THSD4: variants seen among roughly 807,000 people sequenced by gnomAD.
THSD4 encodes the protein thrombospondin type 1 domain containing 4.
THSD4 carries 69 observed loss-of-function variants against 119.0 expected under a neutral mutation model. That is an observed-to-expected ratio of 0.58 (90% CI 0.48 to 0.71). The LOEUF (loss-of-function observed/expected upper bound fraction) is 0.71. THSD4 is among the 30% of genes least tolerant of loss of function. The probability of loss-of-function intolerance (pLI) is 0.00; values close to 1 mark genes in which losing one functional copy is unlikely to be tolerated. For synonymous variants in THSD4, 524 were observed against 540.4 expected (o/e 0.97, Z 0.42); for missense variants, 1,393 against 1,391.1 (o/e 1.00, Z -0.02).
At chr15:71,247,055 A>G (rs1390995972) in intron 5 of THSD4, among the ~76,000 whole-genome samples, 1 of 151,588 alleles carries the variant, frequency 6.6e-6, no homozygotes, top group Non-Finnish European at 1.5e-5. Context: ...ACAACACCAT[A>G]CCTGGCTAAT....
chr15:71,138,982 C>T (rs541930397), intron 1 of THSD4, among the ~76,000 whole-genome samples: 1 of 150,820 alleles, frequency 6.6e-6, no homozygotes, highest in Non-Finnish European at 1.5e-5. Context: ...CCTCCCCCCC[C>T]CATTTTACAG....
intron 6 of THSD4, among the ~76,000 whole-genome samples, chr15:71,369,263 T>C (rs945746095): frequency 6.6e-6 from 1 of 152,188 alleles, no homozygotes; most frequent in African/African-American, 2.4e-5. Flanking sequence ...CCTAATTCAA[T>C]ACCCTTTATT....
chr15:71,488,189 T>G (rs1194027320), intron 7 of THSD4, among the ~76,000 whole-genome samples: 1 of 152,196 alleles, frequency 6.6e-6, no homozygotes, highest in African/African-American at 2.4e-5. Context: ...ATTTGAATAT[T>G]TCTAACAAGA....
intron 8 of THSD4, among the ~76,000 whole-genome samples, chr15:71,722,956 A>T (rs1223677196): frequency 1.3e-5 from 2 of 152,194 alleles, no homozygotes; most frequent in South Asian, 4.1e-4. Flanking sequence ...AATTCTTTCC[A>T]TACCCACACA....
chr15:71,246,886 CTTTT>C (rs67700872), intron 5 of THSD4, among the ~76,000 whole-genome samples: 3 of 114,500 alleles, frequency 2.6e-5, no homozygotes, highest in Non-Finnish European at 1.8e-5. Flanking sequence ...GGTCCAAAGT[CTTTT>C]TTTTTTTTTT....
intron 8 of THSD4, among the ~76,000 whole-genome samples, chr15:71,687,011 C>T (rs1157963601): frequency 1.3e-5 from 2 of 152,270 alleles, no homozygotes; most frequent in Admixed American, 6.5e-5. Context: ...TCTACCAGCA[C>T]GCAGATGAAC....
At chr15:71,611,427 A>C (rs1501415) in intron 7 of THSD4, among the ~76,000 whole-genome samples, 35,127 of 152,074 alleles carry the variant, frequency 0.23, 4,268 homozygotes, top group African/African-American at 0.25. Flanking sequence ...GCCAGCCCCT[A>C]CCCCGGCAAA....
intron 6 of THSD4, among the ~76,000 whole-genome samples, chr15:71,401,918 A>G (rs1464654831): frequency 6.6e-6 from 1 of 152,232 alleles, no homozygotes. Flanking sequence ...AATACTATGC[A>G]GCCATAAAAA....
intron 3 of THSD4, among the ~76,000 whole-genome samples, chr15:71,199,326 C>G (rs971840237): frequency 6.6e-6 from 1 of 152,194 alleles, no homozygotes; most frequent in African/African-American, 2.4e-5. Context: ...CTTCTCTGCA[C>G]AAGTCAGAAC....
At chr15:71,295,424 G>A (rs2044849530) in intron 6 of THSD4, among the ~76,000 whole-genome samples, 1 of 152,252 alleles carries the variant, frequency 6.6e-6, no homozygotes, top group African/African-American at 2.4e-5. Context: ...AGTTAAGGGG[G>A]AAAAGGGTTT....
chr15:71,638,932 A>C (rs1356118621), intron 7 of THSD4, among the ~76,000 whole-genome samples: 1 of 152,140 alleles, frequency 6.6e-6, no homozygotes, highest in Non-Finnish European at 1.5e-5. Flanking sequence ...GGTTGTTGGA[A>C]GCTCCACCAT....
At chr15:71,164,673 G>A in intron 3 of THSD4, 1 of 1,519,830 alleles carries the variant, frequency 6.6e-7, no homozygotes, top group South Asian at 1.4e-5. Flanking sequence ...ATCTTACACA[G>A]CCTTACATTT....
At chr15:71,528,417 G>A (rs2048558839) in intron 7 of THSD4, among the ~76,000 whole-genome samples, 1 of 152,166 alleles carries the variant, frequency 6.6e-6, no homozygotes, top group African/African-American at 2.4e-5. Flanking sequence ...TCCGTGGGAA[G>A]CAGTATGGGG....
intron 2 of THSD4, among the ~76,000 whole-genome samples, chr15:71,146,727 C>T (rs904829318): frequency 9.2e-5 from 14 of 152,006 alleles, no homozygotes; most frequent in Non-Finnish European, 5.9e-5. Flanking sequence ...TGTGGGAAGC[C>T]CGGGAGGAGC....
chr15:71,540,597 T>A (rs901885450), intron 7 of THSD4, among the ~76,000 whole-genome samples: 1 of 118,012 alleles, frequency 8.5e-6, no homozygotes, highest in African/African-American at 3.4e-5. Flanking sequence ...CTCAGCTAAT[T>A]TTTGTATTTT....
intron 6 of THSD4, among the ~76,000 whole-genome samples, chr15:71,271,327 G>A (rs771602521): frequency 5.9e-5 from 9 of 152,226 alleles, no homozygotes; most frequent in Admixed American, 2.0e-4. Flanking sequence ...GTAAAATCCT[G>A]GATGAATCTC....
At chr15:71,411,518 T>C (rs1266384332) in intron 6 of THSD4, among the ~76,000 whole-genome samples, 169 bp from the exon 7 acceptor site, 2 of 152,198 alleles carry the variant, frequency 1.3e-5, no homozygotes, top group African/African-American at 2.4e-5. Flanking sequence ...CACAACCTTA[T>C]GAATATACGA....
intron 6 of THSD4, among the ~76,000 whole-genome samples, chr15:71,386,919 G>A (rs1293270748): frequency 6.6e-6 from 1 of 152,188 alleles, no homozygotes; most frequent in Non-Finnish European, 1.5e-5. Flanking sequence ...TTTGGAAACA[G>A]AACAGAAAAG....
intron 7 of THSD4, among the ~76,000 whole-genome samples, chr15:71,467,060 A>G (rs1016859311): frequency 1.3e-5 from 2 of 152,156 alleles, no homozygotes; most frequent in African/African-American, 4.8e-5. Context: ...GATCCAAACC[A>G]TTTCCCGTGG....
Sources: gnomAD v4.1 joint callset for allele counts (sites outside exome capture counted in the v4.1 genomes callset) on GRCh38, gnomAD v4.1.1 for gene constraint, MANE v1.5 for transcripts, NCBI Gene and HGNC (gene_info 2026-07-23, HGNC 2026-07-21) for gene names.